The following KHDRBS2 variants were observed in gnomAD, a reference collection of about 807,000 sequenced individuals.
The protein encoded by KHDRBS2 is KH domain-containing, RNA-binding, signal transduction-associated protein 2.
In KHDRBS2, 26 loss-of-function variants were observed where a neutral mutation model predicts 44.3. The ratio of observed to expected loss-of-function variants is 0.59; its 90% CI spans 0.43 to 0.81. The LOEUF (loss-of-function observed/expected upper bound fraction) is 0.81, where lower values mean the gene tolerates loss of function less well. Among genes scored for constraint, KHDRBS2 ranks in the 40% least tolerant of loss-of-function variants. The pLI is 0.00. For synonymous variants in KHDRBS2, 194 were observed against 151.1 expected, an observed-to-expected ratio of 1.28 and a Z score of -2.08; for missense variants, 476 against 433.1, an observed-to-expected ratio of 1.10 and a Z score of -0.88.
At chr6:61,903,716 G>A (rs1333451800) in intron 4 of KHDRBS2, among the ~76,000 whole-genome samples, 2 of 152,182 alleles carry the variant, frequency 1.3e-5, no homozygotes, top group African/African-American at 4.8e-5. Flanking sequence ...AAGAAGCAGA[G>A]ATTAGAAAAG....
chr6:62,226,691 A>G (rs1831894010), intron 1 of KHDRBS2, among the ~76,000 whole-genome samples: 1 of 152,110 alleles, frequency 6.6e-6, no homozygotes. Flanking sequence ...ATCTTCAGTT[A>G]ATTTTTAGAT....
intron 4 of KHDRBS2, among the ~76,000 whole-genome samples, chr6:61,975,880 A>C (rs1269938976): frequency 1.3e-5 from 2 of 152,130 alleles, no homozygotes; most frequent in East Asian, 3.9e-4. Context: ...TTTTCTACAA[A>C]GCTAACCTTT....
chr6:61,596,532 T>G, the KHDRBS2 span, among the ~76,000 whole-genome samples: 1 of 152,326 alleles, frequency 6.6e-6, no homozygotes, highest in South Asian at 2.1e-4. Flanking sequence ...ACTTGCCAGC[T>G]TCCAAAGAGT....
intron 8 of KHDRBS2, among the ~76,000 whole-genome samples, chr6:61,691,875 A>C (rs1767418883): frequency 6.6e-6 from 1 of 152,156 alleles, no homozygotes; most frequent in Non-Finnish European, 1.5e-5. Flanking sequence ...CAAATGCCCT[A>C]GAATATGGCA....
intron 8 of KHDRBS2, among the ~76,000 whole-genome samples, chr6:61,687,071 G>A (rs1485971681): frequency 2.0e-5 from 3 of 151,688 alleles, no homozygotes; most frequent in Admixed American, 6.6e-5. Context: ...CATTTCAACT[G>A]TACAACATGT....
At chr6:62,271,885 T>G (rs1373984754) in intron 1 of KHDRBS2, among the ~76,000 whole-genome samples, 6 of 152,136 alleles carry the variant, frequency 3.9e-5, no homozygotes, top group African/African-American at 1.2e-4. Context: ...TAATTTATTA[T>G]TGAATACTTT....
chr6:61,826,687 C>T (rs1390442587), intron 6 of KHDRBS2, among the ~76,000 whole-genome samples: 1 of 152,090 alleles, frequency 6.6e-6, no homozygotes, highest in African/African-American at 2.4e-5. Context: ...TCTAAAGAAA[C>T]TCACGTTGAG....
At chr6:62,087,754 G>A (rs1485065639) in intron 2 of KHDRBS2, among the ~76,000 whole-genome samples, 1 of 152,096 alleles carries the variant, frequency 6.6e-6, no homozygotes, top group African/African-American at 2.4e-5. Flanking sequence ...GCTAGGTTGG[G>A]GAAGTTCTCC....
the KHDRBS2 span, among the ~76,000 whole-genome samples, chr6:61,574,577 T>A: frequency 6.6e-6 from 1 of 152,052 alleles, no homozygotes. Context: ...CAAAACGAGT[T>A]ACCACGTACA....
intron 2 of KHDRBS2, among the ~76,000 whole-genome samples, chr6:62,127,566 G>GT (rs374205291): frequency 8.6e-5 from 13 of 151,136 alleles, no homozygotes; most frequent in South Asian, 6.3e-4. Flanking sequence ...ACTACACTAA[G>GT]TTTTTTTTTC....
intron 1 of KHDRBS2, 130 bp downstream of exon 1, chr6:62,285,728 G>A (rs1371084061): frequency 4.8e-6 from 3 of 625,474 alleles, no homozygotes; most frequent in Non-Finnish European, 8.4e-6. Context: ...GCTCTAAGGC[G>A]AGCATCTTCA....
At chr6:62,148,136 C>T (rs208988) in intron 2 of KHDRBS2, among the ~76,000 whole-genome samples, 120,755 of 151,914 alleles carry the variant, frequency 0.79, 48,582 homozygotes, top group African/African-American at 0.92. Context: ...CTGGATTATT[C>T]TGGTGATATT....
Position 61,984,529 on chromosome 6 carries a change from A to AAAGT in KHDRBS2, c.337-6318_337-6317insACTT, listed in dbSNP as rs1489942458. The stretch of plus-strand genomic sequence containing the variant: ...CAGAGATTTACCAAAGTCAGCTACC[A>AAAGT]CAACCCCTGACTCTGGAGTGGTCTC... On this transcript the variant is annotated intron_variant, in intron 3 of 8. Transcript: ENST00000281156. Among the ~76,000 whole-genome samples the AAAGT allele has an allele frequency of 5.7e-4, 87 of 152,326 alleles. 2 individuals are homozygous for AAAGT. In the South Asian group the frequency reaches 0.018, roughly 31 times the overall value.
the KHDRBS2 span, among the ~76,000 whole-genome samples, chr6:61,563,735 T>A: frequency 2.0e-5 from 3 of 152,122 alleles, no homozygotes; most frequent in Non-Finnish European, 4.4e-5. Context: ...GTCATTAAGA[T>A]ATATTCTAAA....
chr6:62,059,221 T>TTG, intron 2 of KHDRBS2, among the ~76,000 whole-genome samples: 1 of 128,732 alleles, frequency 7.8e-6, no homozygotes, highest in Non-Finnish European at 1.6e-5. Flanking sequence ...TTTTTTTTTT[T>TTG]TTTTTTTTTT....
chr6:61,887,118 G>A (rs1801070857), intron 6 of KHDRBS2, among the ~76,000 whole-genome samples: 1 of 151,998 alleles, frequency 6.6e-6, no homozygotes, highest in African/African-American at 2.4e-5. Context: ...AGAATTTGTA[G>A]AGACAGAAAA....
At chr6:61,750,756 A>G (rs1777555536) in intron 6 of KHDRBS2, among the ~76,000 whole-genome samples, 1 of 145,532 alleles carries the variant, frequency 6.9e-6, no homozygotes, top group African/African-American at 2.6e-5. Context: ...ACCAGAGAAA[A>G]AAGTAAAAAA....
Position 62,153,695 on chromosome 6 carries a change from G to T in KHDRBS2, c.219+23490C>A, listed in dbSNP as rs139441936. Among the ~76,000 whole-genome samples the T allele has an allele frequency of 5.3e-5, 8 of 152,188 alleles. No individual in the cohort carries two copies. In the East Asian group the frequency reaches 1.5e-3, roughly 29 times the overall value. On this transcript the variant is annotated intron_variant, in intron 2 of 8. Transcript: ENST00000281156. The stretch of plus-strand genomic sequence containing the variant: ...TACATCATGGTGAGTTGCTCAGGGT[G>T]GTAGGGACCTAGGAGCAGCTACTGT...
At chr6:61,821,440 G>A (rs1789899429) in intron 6 of KHDRBS2, among the ~76,000 whole-genome samples, 1 of 152,016 alleles carries the variant, frequency 6.6e-6, no homozygotes, top group Non-Finnish European at 1.5e-5. Flanking sequence ...CACAGGATAT[G>A]AGTGAGGACT....
Sources: allele counts gnomAD v4.1 joint callset (sites outside exome capture counted in the v4.1 genomes callset), GRCh38; gene constraint gnomAD v4.1.1; transcripts MANE v1.5; gene names NCBI Gene and HGNC (gene_info 2026-07-23, HGNC 2026-07-21).